The following TNRC6C variants were observed in gnomAD, a reference collection of about 807,000 sequenced individuals.
TNRC6C encodes trinucleotide repeat-containing gene 6C protein.
Under a neutral mutation model 153.7 loss-of-function variants are expected in TNRC6C, and 20 were observed. The observed-to-expected ratio is 0.13, with a 90% CI of 0.09 to 0.19. The LOEUF (loss-of-function observed/expected upper bound fraction) is 0.19. TNRC6C is among the 10% of genes least tolerant of loss of function. TNRC6C has a pLI of 1.00. For missense variants in TNRC6C, 1,987 were observed against 2,172.0 expected (o/e 0.91, Z 1.69); for synonymous variants, 811 against 841.4 (o/e 0.96, Z 0.63).
intron 1 of TNRC6C, among the ~76,000 whole-genome samples, chr17:77,994,302 A>C (rs2071295411): frequency 6.6e-6 from 1 of 152,214 alleles, no homozygotes; most frequent in Non-Finnish European, 1.5e-5. Context: ...CCTGGGCTTC[A>C]CAGATGTTTC....
intron 18 of TNRC6C, 169 bp downstream of exon 21, chr17:78,102,713 G>T: frequency 1.7e-6 from 1 of 605,228 alleles, no homozygotes; most frequent in Non-Finnish European, 2.8e-6. Context: ...ATTGGCTCCA[G>T]CAGCGGCAGC....
intron 10 of TNRC6C, among the ~76,000 whole-genome samples, chr17:78,080,902 A>C (rs2073167737): frequency 6.6e-6 from 1 of 152,144 alleles, no homozygotes. Context: ...TTAATTCATC[A>C]ATCTTCTATT....
At chr17:78,107,404 C>T (rs533098371) in exon 20 of TNRC6C, 1 of 152,218 alleles carries the variant, frequency 6.6e-6, no homozygotes, top group Admixed American at 6.5e-5. Flanking sequence ...AAGTTGCTTT[C>T]GAAAGTACAA....
At chr17:77,957,687 A>G (rs527460668), upstream of TNRC6C, among the ~76,000 whole-genome samples, 139 of 152,376 alleles carry the variant, frequency 9.1e-4, no homozygotes, top group Non-Finnish European at 1.4e-3. Flanking sequence ...GCGACCTTGC[A>G]TGAAAATGGA....
In TNRC6C at chr17:77,964,183, G is replaced by C. The variant is rs536429963; in HGVS notation, c.-38+4915G>C. Among the ~76,000 whole-genome samples the C allele has an allele frequency of 2.0e-5, 3 of 152,204 alleles. No individual in the cohort carries two copies. The South Asian group carries it at 6.2e-4, about 31-fold the overall frequency. ...TTTGCACAAAAATGAAGAAGAGTGTGACTGGCATCTATTTGTATAAATCCA... is the reference window on the plus strand; with the variant it reads ...TTTGCACAAAAATGAAGAAGAGTGTCACTGGCATCTATTTGTATAAATCCA... On this transcript the variant is annotated intron_variant, in intron 1 of 22. Coordinates refer to the TNRC6C transcript ENST00000636222.
chr17:78,097,171 G>A (rs1353947538), intron 16 of TNRC6C, among the ~76,000 whole-genome samples: 1 of 152,182 alleles, frequency 6.6e-6, no homozygotes, highest in East Asian at 1.9e-4. Context: ...CTGTGATCAT[G>A]CCTGTGAACA....
At chr17:78,087,007 C>A (rs1432033990) in exon 13 of TNRC6C, 3 of 1,613,918 alleles carry the variant, frequency 1.9e-6, no homozygotes, top group Non-Finnish European at 2.5e-6. Flanking sequence ...GACAGCTTCC[C>A]CTCGCACCCA....
rs1474892270 is a variant in TNRC6C, at chr17:78,075,263, C to G, written c.3045C>G (p.Pro1015=). Residue 1015 remains proline (P), a synonymous_variant, in exon 8 of 20, where the codon CCC becomes CCG. Coordinates refer to ENST00000301624, the Ensembl canonical transcript of TNRC6C. This position sits in a 1 kb window ranked among gnomAD's most constrained non-coding sequence, Gnocchi z 4.2. ...CCAAAGAGTCTTCCGTGGACCGCCC[C>G]ACCTTTCTTGACAAGGTATGAATAT... 6.3e-7 allele frequency: 1 copy of G among 1,594,958 alleles called. No individual in the cohort carries two copies. The highest frequency in any genetic ancestry group is 2.3e-5 in the East Asian group (1 of 44,070).
intron 1 of TNRC6C, among the ~76,000 whole-genome samples, chr17:77,966,693 C>T (rs1015754156): frequency 1.3e-5 from 2 of 152,160 alleles, no homozygotes; most frequent in Non-Finnish European, 2.9e-5. Context: ...ATTTGACTCA[C>T]AGCATAAATC....
At chr17:78,076,800 A>G (rs770837940) in intron 8 of TNRC6C, among the ~76,000 whole-genome samples, 7 of 152,210 alleles carry the variant, frequency 4.6e-5, no homozygotes, top group Non-Finnish European at 8.8e-5. Flanking sequence ...TCAAAAACAA[A>G]TGTCATGGAA....
At chr17:78,035,254 G>A (rs544736902) in intron 2 of TNRC6C, among the ~76,000 whole-genome samples, 93 of 152,314 alleles carry the variant, frequency 6.1e-4, no homozygotes, top group African/African-American at 2.1e-3. Flanking sequence ...CAAGCATGGA[G>A]GCAGTATGGC....
chr17:78,098,664 G>T, intron 17 of TNRC6C, 127 bp downstream of exon 20: 1 of 1,001,026 alleles, frequency 1.0e-6, no homozygotes. Flanking sequence ...GGGCTTAGGA[G>T]GGCACCAGGG....
At chr17:77,997,359 G>A (rs1028506004) in intron 1 of TNRC6C, among the ~76,000 whole-genome samples, 4 of 152,246 alleles carry the variant, frequency 2.6e-5, no homozygotes, top group East Asian at 1.9e-4. Context: ...CCACCCTTCC[G>A]AAGTATAGGT....
intron 2 of TNRC6C, among the ~76,000 whole-genome samples, chr17:78,037,924 C>T (rs535413315): frequency 6.6e-6 from 1 of 152,052 alleles, no homozygotes; most frequent in African/African-American, 2.4e-5. Context: ...ATTTTAACAG[C>T]GTGTTTCTAG....
exon 3 of TNRC6C, chr17:78,050,582 C>A: frequency 6.3e-7 from 1 of 1,599,340 alleles, no homozygotes; most frequent in Non-Finnish European, 8.5e-7. Flanking sequence ...TCTTCAGTAT[C>A]TGGGTGGGTC....
intron 3 of TNRC6C, among the ~76,000 whole-genome samples, chr17:78,062,350 A>G (rs906268625): frequency 4.4e-4 from 1 of 2,274 alleles, no homozygotes; most frequent in Middle Eastern, 0.17. Flanking sequence ...TTTTCTTAGA[A>G]TAAGAGTATC....
At chr17:78,017,452 C>T (rs990974026) in intron 1 of TNRC6C, among the ~76,000 whole-genome samples, 2 of 152,218 alleles carry the variant, frequency 1.3e-5, no homozygotes, top group African/African-American at 4.8e-5. Flanking sequence ...CTCCCAACCA[C>T]ATGGCTCTAG....
At chr17:78,074,032 T>C (rs2073042884) in intron 7 of TNRC6C, among the ~76,000 whole-genome samples, 1 of 152,218 alleles carries the variant, frequency 6.6e-6, no homozygotes, top group Non-Finnish European at 1.5e-5. Flanking sequence ...TTCATGATCA[T>C]TGAACTCAGG....
chr17:78,071,369 CCA>C (rs2072992847), intron 6 of TNRC6C, among the ~76,000 whole-genome samples: 1 of 152,118 alleles, frequency 6.6e-6, no homozygotes, highest in Admixed American at 6.5e-5. Context: ...CAGCAAAGAC[CCA>C]CACAATTTCT....
Sources: allele counts gnomAD v4.1 joint callset (sites outside exome capture counted in the v4.1 genomes callset), GRCh38; gene constraint gnomAD v4.1.1; non-coding constraint Gnocchi (gnomAD v3.1); transcripts MANE v1.5; gene names NCBI Gene and HGNC (gene_info 2026-07-23, HGNC 2026-07-21).